KLHL2: variants seen among roughly 807,000 people sequenced by gnomAD.
KLHL2 encodes the protein kelch like family member 2.
In KLHL2, 15 loss-of-function variants were observed where a neutral mutation model predicts 75.8. The observed-to-expected ratio is 0.20, with a 90% CI of 0.13 to 0.30. The LOEUF is 0.30. Ranked by LOEUF, KLHL2 falls within the 10% of genes least tolerant of loss-of-function variation. KLHL2 has a pLI of 1.00. For missense variants in KLHL2, 381 were observed against 741.0 expected, an observed-to-expected ratio of 0.51 and a Z score of 5.64; for synonymous variants, 214 against 251.9, an observed-to-expected ratio of 0.85 and a Z score of 1.42.
rs547261376 is a variant in KLHL2, at chr4:165,277,857, C to T, written c.544+14498C>T. On this transcript the variant is annotated intron_variant, in intron 5 of 14. Coordinates refer to ENST00000226725, the MANE Select transcript of KLHL2 (RefSeq NM_007246.4). ...AGCCACAGGTCTACTTGGAGGGTCACGCAGCAAGTGGCTTATAAATAAAAT... is the reference window on the plus strand; with the variant it reads ...AGCCACAGGTCTACTTGGAGGGTCATGCAGCAAGTGGCTTATAAATAAAAT... 5.9e-4 allele frequency: 459 copies of T among 776,768 alleles called. No individual in the cohort carries two copies. In the African/African-American group the frequency reaches 6.6e-3, roughly 11 times the overall value. 48.1% of individuals were successfully genotyped at this position (776,768 alleles called of 1,614,324 possible).
chr4:165,298,478 C>CT (rs2126510920), intron 7 of KLHL2, among the ~76,000 whole-genome samples: 1 of 150,622 alleles, frequency 6.6e-6, no homozygotes, highest in Admixed American at 6.6e-5. Flanking sequence ...TTTAAATTTA[C>CT]TGTTTTTTTT....
At chr4:165,321,514 CTG>C (rs1401065756) in intron 14 of KLHL2, 11 of 311,630 alleles carry the variant, frequency 3.5e-5, no homozygotes, top group Non-Finnish European at 5.0e-5. Context: ...TGTTAATTGA[CTG>C]TATCAGTAAG....
chr4:165,276,522 T>C (rs1047862174), intron 5 of KLHL2, among the ~76,000 whole-genome samples: 27 of 152,132 alleles, frequency 1.8e-4, no homozygotes, highest in Non-Finnish European at 3.2e-4. Flanking sequence ...TTTTTTTTTT[T>C]CACTGTTTAT....
At chr4:165,289,949 CTGTAGACATACATTTGAAGG>C (rs1744384959) in intron 5 of KLHL2, among the ~76,000 whole-genome samples, 1 of 152,170 alleles carries the variant, frequency 6.6e-6, no homozygotes, top group South Asian at 2.1e-4. Context: ...CCCAAAATCA[CTGTAGACATACATTTGAAGG>C]TGAAAATATT....
chr4:165,237,149 G>T (rs915042940), intron 3 of KLHL2, among the ~76,000 whole-genome samples: 10 of 151,896 alleles, frequency 6.6e-5, no homozygotes, highest in African/African-American at 2.4e-4. Flanking sequence ...TGGCACAAAA[G>T]AGGCTTCAGT....
intron 13 of KLHL2, among the ~76,000 whole-genome samples, chr4:165,315,662 C>A (rs1019409854): frequency 5.3e-5 from 8 of 152,208 alleles, no homozygotes; most frequent in African/African-American, 1.9e-4. Flanking sequence ...ATCTCACCCT[C>A]ATTCCATATT....
chr4:165,318,019 A>G (rs1746708011), intron 14 of KLHL2, 50 bp downstream of exon 14: 1 of 1,551,298 alleles, frequency 6.4e-7, no homozygotes, highest in Non-Finnish European at 8.8e-7. Flanking sequence ...TGACCTCATT[A>G]TGAATGTTAT....
intron 6 of KLHL2, among the ~76,000 whole-genome samples, chr4:165,297,179 A>C (rs1744974687): frequency 6.6e-6 from 1 of 152,186 alleles, no homozygotes; most frequent in African/African-American, 2.4e-5. Flanking sequence ...TATGTATTGT[A>C]AAAAATAATG....
chr4:165,305,464 G>T, intron 8 of KLHL2, 144 bp from the exon 9 acceptor site: 1 of 645,050 alleles, frequency 1.6e-6, no homozygotes, highest in Non-Finnish European at 2.8e-6. Flanking sequence ...TGAAATGTTG[G>T]TTAGGTGGTT....
intron 7 of KLHL2, 112 bp downstream of exon 7, chr4:165,297,837 TACAGG>T: frequency 2.6e-6 from 2 of 772,258 alleles, no homozygotes; most frequent in Admixed American, 3.6e-5. Context: ...ATCTGTGGAG[TACAGG>T]ACAGAAGACA....
chr4:165,308,513 A>G (rs373714737), intron 9 of KLHL2, among the ~76,000 whole-genome samples: 4 of 152,280 alleles, frequency 2.6e-5, no homozygotes, highest in Admixed American at 6.5e-5. Flanking sequence ...GTTTCCTGAT[A>G]ACTTTGGGAG....
chr4:165,235,780 T>A (rs1203749691), intron 3 of KLHL2, among the ~76,000 whole-genome samples: 1 of 152,092 alleles, frequency 6.6e-6, no homozygotes, highest in Non-Finnish European at 1.5e-5. Context: ...CCAGTGGAGA[T>A]TAGCCTGGGA....
At chr4:165,255,987 C>G (rs1741135490) in intron 4 of KLHL2, among the ~76,000 whole-genome samples, 2 of 151,934 alleles carry the variant, frequency 1.3e-5, no homozygotes, top group Non-Finnish European at 2.9e-5. Flanking sequence ...AATAAATATG[C>G]AAGCTGAAAA....
intron 1 of KLHL2, among the ~76,000 whole-genome samples, chr4:165,218,970 G>A (rs962437624): frequency 6.6e-6 from 1 of 152,094 alleles, no homozygotes; most frequent in African/African-American, 2.4e-5. Context: ...CATTATAATT[G>A]TGCAATCTAA....
chr4:165,310,277 A>G (rs998987383), intron 9 of KLHL2, among the ~76,000 whole-genome samples: 1 of 152,220 alleles, frequency 6.6e-6, no homozygotes, highest in Admixed American at 6.5e-5. Context: ...GTGAGCTGAG[A>G]TGGCGCCACT....
intron 6 of KLHL2, among the ~76,000 whole-genome samples, chr4:165,295,128 T>C (rs1038505472): frequency 6.6e-6 from 1 of 152,186 alleles, no homozygotes; most frequent in African/African-American, 2.4e-5. Flanking sequence ...CCTGCACTTT[T>C]CGTATAGTTG....
intron 5 of KLHL2, among the ~76,000 whole-genome samples, chr4:165,277,206 C>T (rs1317491865): frequency 6.6e-6 from 1 of 151,756 alleles, no homozygotes; most frequent in African/African-American, 2.4e-5. Context: ...AAATGGGCTA[C>T]CCTCAGTGTA....
rs1007279795 is a variant in KLHL2, at chr4:165,207,956, C to T, written c.26+54C>T. ...GCTGCGGATAAGCGCGCCGCTGCGG[C>T]GCGTGTCGCCGGCCGCGGGCGCAGC... On this transcript the variant is annotated intron_variant, in intron 1 of 14. Coordinates refer to ENST00000226725, the MANE Select transcript of KLHL2 (RefSeq NM_007246.4). This position sits in a 1 kb window ranked among gnomAD's most constrained non-coding sequence, Gnocchi z 4.2. 1.6e-6 allele frequency: 2 copies of T among 1,258,862 alleles called. No individual in the cohort carries two copies. Among genetic ancestry groups the T allele is most frequent in the African/African-American group, 1.6e-5 (1 of 61,816 alleles). 78.0% of individuals were successfully genotyped at this position (1,258,862 alleles called of 1,614,324 possible). A position where few individuals can be genotyped will look rare whatever the true frequency, so the allele number is the denominator to read the frequency against.
intron 4 of KLHL2, among the ~76,000 whole-genome samples, chr4:165,258,996 AT>A (rs555537413): frequency 1.3e-5 from 2 of 152,152 alleles, no homozygotes; most frequent in African/African-American, 2.4e-5. Flanking sequence ...CAGTGAGTCA[AT>A]TTTTGCTTAA....
Sources: allele counts gnomAD v4.1 joint callset (sites outside exome capture counted in the v4.1 genomes callset), GRCh38; gene constraint gnomAD v4.1.1; non-coding constraint Gnocchi (gnomAD v3.1); transcripts MANE v1.5; gene names NCBI Gene and HGNC (gene_info 2026-07-23, HGNC 2026-07-21).